GDF2: variants seen among roughly 807,000 people sequenced by gnomAD.
The protein encoded by GDF2 is growth/differentiation factor 2.
Under a neutral mutation model 16.9 loss-of-function variants are expected in GDF2, and 17 were observed. The observed-to-expected ratio is 1.00, with a 90% CI of 0.69 to 1.51. GDF2 has a LOEUF of 1.51. Among genes scored for constraint, GDF2 ranks in the 40% most tolerant of loss-of-function variants. GDF2 has a pLI of 0.00. For missense variants in GDF2, 523 were observed against 556.3 expected (o/e 0.94, Z 0.60); for synonymous variants, 276 against 237.6 (o/e 1.16, Z -1.49).
At chr10:47,323,041 G>C in intron 1 of GDF2, 27 bp downstream of exon 1, 1 of 1,521,580 alleles carries the variant, frequency 6.6e-7, no homozygotes, top group East Asian at 2.3e-5. Context: ...CACCATGCGC[G>C]CTGGGGTGGG....
rs782168144 is a variant in GDF2, at chr10:47,325,235, T to C, written c.741T>C (p.Gly247=). Residue 247 remains glycine (G), a synonymous_variant, in exon 2 of 2, where the codon GGT becomes GGC. Coordinates refer to ENST00000581492, the MANE Select transcript of GDF2 (RefSeq NM_016204.4). The part of the protein sequence containing the change: ...CDTLDISVPP[G]SRNLPFFVVF... ...CGCTGGACATCAGTGTCCCCCCAGG[T>C]TCCAGAAACCTGCCCTTCTTTGTTG... 1 of 1,614,004 alleles carries C rather than the reference T, an allele frequency of 6.2e-7. No individual in the cohort carries two copies. Among genetic ancestry groups the C allele is most frequent in the Non-Finnish European group, 8.5e-7 (1 of 1,180,008 alleles).
rs180821007 is a variant in GDF2 at position 47,324,872 on chromosome 10, C to T, written c.378C>T (p.Phe126=). The T allele has an allele frequency of 1.2e-6, 2 of 1,613,236 alleles. No individual in the cohort carries two copies. Among genetic ancestry groups the T allele is most frequent in the South Asian group, 1.1e-5 (1 of 91,080 alleles). ...TCTCCATAACTGCCACAGAGGACTT[C>T]CCCTTCCAGAAGCACATCTTGCTCT... ...DAISITATED[F]PFQKHILLFN... Residue 126 remains phenylalanine, a synonymous_variant, in exon 2 of 2, where the codon TTC becomes TTT. Coordinates refer to ENST00000581492, the MANE Select transcript of GDF2 (RefSeq NM_016204.4).
At chr10:47,324,734 C>A in intron 1 of GDF2, 107 bp from the exon 2 acceptor site, 1 of 738,576 alleles carries the variant, frequency 1.4e-6, no homozygotes, top group Non-Finnish European at 2.3e-6. Context: ...TAATACAGAC[C>A]AAAATTGTTA....
Position 47,325,469 on chromosome 10 carries a change from C to T in GDF2, c.975C>T (p.Ser325=). The part of the protein sequence containing the change: ...ARRKRSAGAG[S]HCQKTSLRVN... ...GGAAAAGGAGCGCCGGGGCTGGCAG[C>T]CACTGTCAAAAGACCTCCCTGCGGG... Residue 325 remains serine (S), a synonymous_variant, in exon 2 of 2, where the codon AGC becomes AGT. Transcript: ENST00000581492. The T allele has an allele frequency of 6.2e-7, 1 of 1,613,896 alleles. No homozygotes were observed. Among genetic ancestry groups the T allele is most frequent in the Non-Finnish European group, 8.5e-7 (1 of 1,180,040 alleles).
Position 47,325,377 on chromosome 10 carries a change from G to T in GDF2, c.883G>T (p.Ala295Ser), listed in dbSNP as rs1336132191. ...KKLSKDGSTE[A>S]GESSHEEDTD... ...GCTGTCCAAGGACGGCTCCACAGAG[G>T]CAGGTGAGAGCAGTCACGAGGAGGA... Residue 295 changes from alanine to serine, a missense_variant, in exon 2 of 2, where the codon GCA (alanine) becomes TCA (serine). Ala to Ser is a moderately conservative substitution (Grantham distance 99). Coordinates refer to ENST00000581492, the MANE Select transcript of GDF2 (RefSeq NM_016204.4). 4.3e-6 allele frequency: 7 copies of T among 1,614,174 alleles called. No individual in the cohort carries two copies. The highest frequency in any genetic ancestry group is 5.9e-6 in the Non-Finnish European group (7 of 1,180,048).
Position 47,323,796 on chromosome 10 carries a change from C to T in GDF2, c.346+782C>T, listed in dbSNP as rs547112431. Among the ~76,000 whole-genome samples the T allele has an allele frequency of 2.6e-5, 4 of 152,356 alleles. No individual in the cohort carries two copies. The East Asian group carries it at 7.7e-4, about 29-fold the overall frequency. ...GCCTGCACACCTAGGAAGTGTTAAACCTGTCTGCCTGCAGAGCTGGCTTTT... is the reference window on the plus strand; with the variant it reads ...GCCTGCACACCTAGGAAGTGTTAAATCTGTCTGCCTGCAGAGCTGGCTTTT... On this transcript the variant is annotated intron_variant, in intron 1 of 1. Transcript: ENST00000581492.
At position 47,325,034 on chromosome 10, in the gene GDF2, T is replaced by A. The variant is rs782598334; in HGVS notation, c.540T>A (p.Asp180Glu). Residue 180 changes from aspartate to glutamate, a missense_variant, in exon 2 of 2, where the codon GAT becomes GAA. Asp to Glu is a conservative substitution (Grantham distance 45). Transcript: ENST00000581492. ...VVIYDVLDGT[D>E]AWDSATETKT... is the part of the protein sequence containing the mutation. ...TTTATGATGTTCTGGATGGAACAGA[T>A]GCCTGGGATAGTGCTACAGAGACCA... The A allele has an allele frequency of 6.2e-7, 1 of 1,614,064 alleles. No homozygotes were observed. Among genetic ancestry groups the A allele is most frequent in the Non-Finnish European group, 8.5e-7 (1 of 1,180,012 alleles).
chr10:47,325,109 G>A lies in GDF2; in HGVS notation c.615G>A (p.Leu205=), dbSNP rs141350776. The change falls in exon 2 of 2, where the codon TTG becomes TTA. Residue 205 remains leucine (L), a synonymous_variant. Coordinates refer to ENST00000581492, the MANE Select transcript of GDF2 (RefSeq NM_016204.4). ...QDIQDEGWET[L]EVSSAVKRWV... The stretch of plus-strand genomic sequence containing the variant: ...TTCAGGATGAGGGCTGGGAGACCTT[G>A]GAAGTGTCCAGCGCCGTGAAGCGCT... 623 of 1,614,074 alleles carry A rather than the reference G, an allele frequency of 3.9e-4. 4 individuals carry two copies. The highest frequency in any genetic ancestry group is 1.6e-3 in the South Asian group (143 of 91,072).
rs782726443 is a variant in GDF2 at position 47,325,157 on chromosome 10, G to A, written c.663G>A (p.Lys221=). 6.2e-7 allele frequency: 1 copy of A among 1,613,842 alleles called. No homozygotes were observed. The highest frequency in any genetic ancestry group is 8.5e-7 in the Non-Finnish European group (1 of 1,180,046). The change falls in exon 2 of 2, where the codon AAG becomes AAA. Residue 221 remains lysine, a synonymous_variant. Transcript: ENST00000581492. ...VKRWVRSDST[K]SKNKLEVTVE... is the part of the protein sequence containing the mutation. ...GCTGGGTCCGGTCCGACTCCACCAA[G>A]AGCAAAAATAAGCTGGAAGTGACTG... is the stretch of plus-strand genomic sequence containing the variant.
In GDF2 at chr10:47,325,365, G is replaced by C. The variant is rs201711410; in HGVS notation, c.871G>C (p.Gly291Arg). Reference protein sequence around the residue: ...ESVLKKLSKDGSTEAGESSHE... With the variant: ...ESVLKKLSKDRSTEAGESSHE... Reference sequence around the variant, plus strand: ...CGTGCTCAAGAAGCTGTCCAAGGACGGCTCCACAGAGGCAGGTGAGAGCAG... The same window carrying C: ...CGTGCTCAAGAAGCTGTCCAAGGACCGCTCCACAGAGGCAGGTGAGAGCAG... The change falls in exon 2 of 2, where the codon GGC becomes CGC. Residue 291 changes from glycine to arginine, a missense_variant. By Grantham distance (125) the Gly-to-Arg change is moderately radical. Coordinates refer to ENST00000581492, the MANE Select transcript of GDF2 (RefSeq NM_016204.4). 1 of 1,614,162 alleles carries C rather than the reference G, an allele frequency of 6.2e-7. No homozygotes were observed. The highest frequency in any genetic ancestry group is 1.1e-5 in the South Asian group (1 of 91,082).
In GDF2 at chr10:47,325,352, G is replaced by A. The variant is rs1369185858; in HGVS notation, c.858G>A (p.Lys286=). Residue 286 remains lysine, a synonymous_variant, in exon 2 of 2, where the codon AAG becomes AAA. Coordinates refer to ENST00000581492, the MANE Select transcript of GDF2 (RefSeq NM_016204.4). The part of the protein sequence containing the change: ...ISHEQESVLK[K]LSKDGSTEAG... ...ATGAACAAGAGAGCGTGCTCAAGAA[G>A]CTGTCCAAGGACGGCTCCACAGAGG... The A allele has an allele frequency of 3.7e-6, 6 of 1,614,112 alleles. No homozygotes were observed. Among genetic ancestry groups the A allele is most frequent in the African/African-American group, 2.7e-5 (2 of 74,934 alleles).
intron 1 of GDF2, among the ~76,000 whole-genome samples, 175 bp downstream of exon 1, chr10:47,323,189 C>T (rs1328415662): frequency 6.6e-6 from 1 of 152,198 alleles, no homozygotes; most frequent in East Asian, 1.9e-4. Flanking sequence ...CTTTCAAATG[C>T]GTGGCTAATG....
rs2061107590 is a variant in GDF2, at chr10:47,326,453, C to T, written c.*669C>T. Reference sequence around the variant, plus strand: ...GAGGCCAGGCCAGGCTGAGGCCCATCAGTCACAGGTGTGACTGGGCTGCTT... The same window carrying T: ...GAGGCCAGGCCAGGCTGAGGCCCATTAGTCACAGGTGTGACTGGGCTGCTT... On this transcript the variant is annotated 3_prime_UTR_variant, in exon 2 of 2. Coordinates refer to ENST00000581492, the MANE Select transcript of GDF2 (RefSeq NM_016204.4). Among the ~76,000 whole-genome samples, 1 of 152,222 alleles carries T rather than the reference C, an allele frequency of 6.6e-6. No homozygotes were observed. The highest frequency in any genetic ancestry group is 3.2e-3 in the Middle Eastern group (1 of 316).
Position 47,325,211 on chromosome 10 carries a change from G to A in GDF2, c.717G>A (p.Thr239=), listed in dbSNP as rs781821989. The A allele has an allele frequency of 1.7e-5, 27 of 1,613,898 alleles. No individual in the cohort carries two copies. The highest frequency in any genetic ancestry group is 1.6e-4 in the African/African-American group (12 of 74,894). ...AGAGCCACAGGAAGGGCTGCGACAC[G>A]CTGGACATCAGTGTCCCCCCAGGTT... The part of the protein sequence containing the change: ...TVESHRKGCD[T]LDISVPPGSR... The change falls in exon 2 of 2, where the codon ACG becomes ACA. Residue 239 remains threonine, a synonymous_variant. Transcript: ENST00000581492.
Position 47,322,779 on chromosome 10 carries a change from C to A in GDF2, c.111C>A (p.Ala37=), listed in dbSNP as rs2061088964. ...SWGRGSAGGN[A]HSPLGVPGGG... is the part of the protein sequence containing the mutation. The stretch of plus-strand genomic sequence containing the variant: ...GACGAGGGTCTGCTGGGGGAAACGC[C>A]CACAGCCCACTGGGGGTGCCTGGAG... Residue 37 remains alanine (A), a synonymous_variant, in exon 1 of 2, where the codon GCC becomes GCA. Transcript: ENST00000581492. The A allele has an allele frequency of 6.2e-7, 1 of 1,613,164 alleles. No homozygotes were observed. The highest frequency in any genetic ancestry group is 8.5e-7 in the Non-Finnish European group (1 of 1,179,488).
chr10:47,323,123 T>A, intron 1 of GDF2, 109 bp downstream of exon 1: 1 of 691,312 alleles, frequency 1.4e-6, no homozygotes, highest in Non-Finnish European at 2.4e-6. Flanking sequence ...AGCTTCCATT[T>A]AAATTAGTTA....
Position 47,322,585 on chromosome 10 carries a change from C to G in GDF2, c.-84C>G, listed in dbSNP as rs1023798138. 1 of 1,047,928 alleles carries G rather than the reference C, an allele frequency of 9.5e-7. No homozygotes were observed. The highest frequency in any genetic ancestry group is 2.6e-5 in the East Asian group (1 of 38,024). 64.9% of individuals were successfully genotyped at this position (1,047,928 alleles called of 1,614,324 possible). ...AGCAAACAGCAGGGAGATGCCGGCCCGCTCCTTCCCAGCTCCTCCCCGTGC... is the reference window on the plus strand; with the variant it reads ...AGCAAACAGCAGGGAGATGCCGGCCGGCTCCTTCCCAGCTCCTCCCCGTGC... On this transcript the variant is annotated 5_prime_UTR_variant, in exon 1 of 2. Coordinates refer to ENST00000581492, the MANE Select transcript of GDF2 (RefSeq NM_016204.4).
At position 47,327,177 on chromosome 10, in the gene GDF2, C is replaced by T. The variant is rs1176146357; in HGVS notation, c.*1393C>T. Among the ~76,000 whole-genome samples the T allele has an allele frequency of 6.6e-6, 1 of 152,212 alleles. No individual in the cohort carries two copies. Among genetic ancestry groups the T allele is most frequent in the African/African-American group, 2.4e-5 (1 of 41,454 alleles). ...CTCTGTGTTTCACCCTCTCCTCTGT[C>T]TCTCCAGGCCACACATGGAACGGGG... On this transcript the variant is annotated 3_prime_UTR_variant, in exon 2 of 2. Coordinates refer to ENST00000581492, the MANE Select transcript of GDF2 (RefSeq NM_016204.4).
In GDF2 at chr10:47,322,919, AGCC is replaced by A; in HGVS notation, c.257_259del (p.Pro86del). On this transcript the variant is annotated inframe_deletion, in exon 1 of 2. Coordinates refer to ENST00000581492, the MANE Select transcript of GDF2 (RefSeq NM_016204.4). Reference sequence around the variant, plus strand: ...CCTTCGCAGGACAAAACCAGGGTGGAGCCGCCGCAGTACATGATTGACCTGTAC... The same window carrying A: ...CCTTCGCAGGACAAAACCAGGGTGGAGCCGCAGTACATGATTGACCTGTAC... 1 of 1,614,150 alleles carries A rather than the reference AGCC, an allele frequency of 6.2e-7. No homozygotes were observed. Among genetic ancestry groups the A allele is most frequent in the Non-Finnish European group, 8.5e-7 (1 of 1,180,018 alleles).
Sources: gnomAD v4.1 joint callset for allele counts (sites outside exome capture counted in the v4.1 genomes callset) on GRCh38, gnomAD v4.1.1 for gene constraint, MANE v1.5 for transcripts, NCBI Gene and HGNC (gene_info 2026-07-23, HGNC 2026-07-21) for gene names.